MOXD1: variants seen among roughly 807,000 people sequenced by gnomAD.
MOXD1 encodes the protein DBH-like monooxygenase protein 1.
In MOXD1, 62 loss-of-function variants were observed where a neutral mutation model predicts 66.6. The ratio of observed to expected loss-of-function variants is 0.93; its 90% CI spans 0.76 to 1.15. The LOEUF (loss-of-function observed/expected upper bound fraction) is 1.15, where lower values mean the gene tolerates loss of function less well. Ranked by LOEUF, MOXD1 falls within the 50% of genes most tolerant of loss-of-function variation. MOXD1 has a pLI of 0.00. For synonymous variants in MOXD1, 303 were observed against 281.9 expected (o/e 1.07, Z -0.75); for missense variants, 847 against 754.6 (o/e 1.12, Z -1.44).
chr6:132,321,940 C>T (rs887514134), intron 8 of MOXD1, among the ~76,000 whole-genome samples: 18 of 152,154 alleles, frequency 1.2e-4, no homozygotes, highest in African/African-American at 3.6e-4. Context: ...TCCTATTGTG[C>T]CATGTCTTCT....
At chr6:132,326,236 A>G (rs1211290073) in intron 6 of MOXD1, among the ~76,000 whole-genome samples, 1 of 151,982 alleles carries the variant, frequency 6.6e-6, no homozygotes, top group Non-Finnish European at 1.5e-5. Flanking sequence ...TTATAAAAAT[A>G]AAATTACTAT....
At chr6:132,385,162 T>C (rs1776600372) in intron 1 of MOXD1, among the ~76,000 whole-genome samples, 1 of 152,152 alleles carries the variant, frequency 6.6e-6, no homozygotes, top group African/African-American at 2.4e-5. Flanking sequence ...GTGCCATTTG[T>C]AGAGATGGGG....
intron 1 of MOXD1, among the ~76,000 whole-genome samples, chr6:132,379,618 T>C (rs902119385): frequency 2.6e-5 from 4 of 152,212 alleles, no homozygotes; most frequent in African/African-American, 4.8e-5. Context: ...ATTTCACCAT[T>C]TGGGAATCTC....
intron 4 of MOXD1, among the ~76,000 whole-genome samples, chr6:132,351,068 A>C (rs542835898): frequency 6.6e-6 from 1 of 152,134 alleles, no homozygotes; most frequent in South Asian, 2.1e-4. Context: ...TTTTCAAGGT[A>C]AATGATATCA....
rs754970301 is a variant in MOXD1, at chr6:132,374,615, C to T, written c.411+16G>A. The T allele has an allele frequency of 1.9e-6, 3 of 1,612,676 alleles. No individual in the cohort carries two copies. The highest frequency in any genetic ancestry group is 2.7e-5 in the African/African-American group (2 of 75,018). Reference sequence around the variant, plus strand: ...TACAATTTGTTCATGCATGCATTCACTCATAGATGCCTTACCGTTATACTC... The same window carrying T: ...TACAATTTGTTCATGCATGCATTCATTCATAGATGCCTTACCGTTATACTC... On this transcript the variant is annotated intron_variant, in intron 2 of 11. Transcript: ENST00000367963.
intron 4 of MOXD1, among the ~76,000 whole-genome samples, chr6:132,352,861 C>G (rs1775830237): frequency 1.3e-5 from 2 of 152,140 alleles, no homozygotes; most frequent in South Asian, 4.1e-4. Context: ...TCCTGCTGGA[C>G]AAGGCCTTTT....
At chr6:132,313,587 T>A (rs1774876525) in intron 10 of MOXD1, among the ~76,000 whole-genome samples, 2 of 152,166 alleles carry the variant, frequency 1.3e-5, no homozygotes, top group Non-Finnish European at 2.9e-5. Context: ...TCACTGAATG[T>A]TTTTTCACTC....
intron 4 of MOXD1, among the ~76,000 whole-genome samples, chr6:132,336,107 C>A (rs911623873): frequency 1.3e-5 from 2 of 152,024 alleles, no homozygotes; most frequent in Admixed American, 6.6e-5. Flanking sequence ...CATGAGAGGA[C>A]GAGTGGAACA....
At chr6:132,366,951 C>T (rs945863151) in intron 4 of MOXD1, among the ~76,000 whole-genome samples, 14 of 152,074 alleles carry the variant, frequency 9.2e-5, no homozygotes, top group Non-Finnish European at 1.6e-4. Context: ...CTAGGAAACA[C>T]TCCCCAAATG....
chr6:132,388,887 G>C (rs1281037471), intron 1 of MOXD1, among the ~76,000 whole-genome samples: 1 of 151,292 alleles, frequency 6.6e-6, no homozygotes, highest in Non-Finnish European at 1.5e-5. Context: ...AGTTATTCGT[G>C]TTGCTTAGAA....
chr6:132,301,855 C>T (rs1774545503), intron 10 of MOXD1, among the ~76,000 whole-genome samples: 1 of 152,170 alleles, frequency 6.6e-6, no homozygotes, highest in Non-Finnish European at 1.5e-5. Flanking sequence ...GAACTATGAT[C>T]CCCAAAAGGA....
At chr6:132,369,595 G>A (rs1156615123) in intron 4 of MOXD1, among the ~76,000 whole-genome samples, 2 of 151,934 alleles carry the variant, frequency 1.3e-5, no homozygotes, top group Admixed American at 1.3e-4. Context: ...GGGGTGCATT[G>A]TTAAAGAAAA....
At chr6:132,303,974 A>G (rs1774631451) in intron 10 of MOXD1, among the ~76,000 whole-genome samples, 1 of 150,464 alleles carries the variant, frequency 6.6e-6, no homozygotes, top group African/African-American at 2.4e-5. Context: ...GAATAACTAT[A>G]TAATGTGCTG....
In MOXD1 at chr6:132,296,931, T is replaced by C. The variant is rs1252340655; in HGVS notation, c.*222A>G. ...TGGTTATCTTAAGTCAGGCCAGTTT[T>C]ATTTTATTGACCATGTATATATAAC... On this transcript the variant is annotated 3_prime_UTR_variant, in exon 12 of 12. Coordinates refer to ENST00000367963, the MANE Select transcript of MOXD1 (RefSeq NM_015529.4). 1 of 368,516 alleles carries C rather than the reference T, an allele frequency of 2.7e-6. No individual in the cohort carries two copies. The allele number at this position is 368,516 out of a possible 1,614,324, so 22.8% of individuals were successfully genotyped here.
At chr6:132,358,745 T>C (rs1312632688) in intron 4 of MOXD1, among the ~76,000 whole-genome samples, 1 of 152,174 alleles carries the variant, frequency 6.6e-6, no homozygotes. Flanking sequence ...AAATACCCAA[T>C]TTTATTAATA....
intron 4 of MOXD1, among the ~76,000 whole-genome samples, chr6:132,356,545 A>C (rs990150598): frequency 5.3e-5 from 8 of 152,228 alleles, no homozygotes. Context: ...AACCACCAAT[A>C]CATAACGATA....
In MOXD1 at chr6:132,297,168, G is replaced by A. The variant is rs1774420917; in HGVS notation, c.1827C>T (p.Ser609=). The change falls in exon 12 of 12, where the codon AGC becomes AGT. Residue 609 remains serine, a synonymous_variant. Transcript: ENST00000367963. The part of the protein sequence containing the change: ...VCLLLLSCTL[S]TKSL ...AGAATTTTGATCACAAGCTCTTGGT[G>A]CTCAGCGTGCAGCTGAGTAGCAGAA... is the stretch of plus-strand genomic sequence containing the variant. 2.5e-6 allele frequency: 4 copies of A among 1,613,266 alleles called. No homozygotes were observed. Among genetic ancestry groups the A allele is most frequent in the African/African-American group, 1.3e-5 (1 of 75,012 alleles).
intron 4 of MOXD1, among the ~76,000 whole-genome samples, chr6:132,347,258 T>G (rs1775686452): frequency 6.6e-6 from 1 of 152,214 alleles, no homozygotes. Flanking sequence ...TCCGGGTGAC[T>G]GATTGTCTAC....
At chr6:132,313,966 C>T (rs1287297779) in intron 10 of MOXD1, among the ~76,000 whole-genome samples, 2 of 152,004 alleles carry the variant, frequency 1.3e-5, no homozygotes, top group African/African-American at 4.8e-5. Context: ...TATATTTTCT[C>T]TAATTACATA....
Sources: gnomAD v4.1 joint callset for allele counts (sites outside exome capture counted in the v4.1 genomes callset) on GRCh38, gnomAD v4.1.1 for gene constraint, MANE v1.5 for transcripts, NCBI Gene and HGNC (gene_info 2026-07-23, HGNC 2026-07-21) for gene names.